Variants in CSMD1 observed in about 807,000 individuals in gnomAD.
The protein encoded by CSMD1 is CUB and sushi domain-containing protein 1.
Under a neutral mutation model 417.5 loss-of-function variants are expected in CSMD1, and 213 were observed. The observed-to-expected ratio is 0.51, with a 90% CI of 0.46 to 0.57. The LOEUF (loss-of-function observed/expected upper bound fraction) is 0.57. Among genes scored for constraint, CSMD1 ranks in the 20% least tolerant of loss-of-function variants. The pLI is 0.00. For missense variants in CSMD1, 6,923 were observed against 4,529.7 expected, an observed-to-expected ratio of 1.53 and a Z score of -15.17; for synonymous variants, 2,862 against 1,736.8, an observed-to-expected ratio of 1.65 and a Z score of -16.11.
intron 59 of CSMD1, among the ~76,000 whole-genome samples, chr8:2,964,570 G>C (rs1028249442): frequency 2.0e-5 from 3 of 152,228 alleles, no homozygotes; most frequent in African/African-American, 7.2e-5. Context: ...GTACTAGAAA[G>C]AGGATAAAAA....
In CSMD1 at chr8:3,214,745, G is replaced by GT. The variant is rs373811551; in HGVS notation, c.4673-55dup. On this transcript the variant is annotated intron_variant, in intron 29 of 69. Transcript: ENST00000635120. Reference sequence around the variant, plus strand: ...GAGAGCAGGGATCTTATTCTTGTTTGTGTTTTTGTTTGTTGGGTTGGTTCT... The same window carrying GT: ...GAGAGCAGGGATCTTATTCTTGTTTGTTGTTTTTGTTTGTTGGGTTGGTTCT... The GT allele has an allele frequency of 1.3e-5, 19 of 1,430,790 alleles. No homozygotes were observed. In the African/African-American group the frequency reaches 2.4e-4, roughly 18 times the overall value. The allele number at this position is 1,430,790 out of a possible 1,614,324, so 88.6% of individuals were successfully genotyped here. A position where few individuals can be genotyped will look rare whatever the true frequency, so the allele number is the denominator to read the frequency against.
At chr8:4,002,418 G>A (rs138615079) in intron 4 of CSMD1, among the ~76,000 whole-genome samples, 1 of 152,238 alleles carries the variant, frequency 6.6e-6, no homozygotes, top group Admixed American at 6.5e-5. Flanking sequence ...TAACTAATAT[G>A]TTTGATGAGC....
At chr8:3,892,645 C>T (rs937790990) in intron 5 of CSMD1, among the ~76,000 whole-genome samples, 11 of 151,378 alleles carry the variant, frequency 7.3e-5, no homozygotes, top group African/African-American at 9.7e-5. Context: ...TTGCTTGGCA[C>T]GTCGTGGGAT....
intron 5 of CSMD1, among the ~76,000 whole-genome samples, chr8:3,884,373 C>T (rs1436218520): frequency 2.0e-5 from 3 of 152,170 alleles, no homozygotes; most frequent in South Asian, 2.1e-4. Flanking sequence ...CTGTTAGTGA[C>T]ATGGTGCTTG....
intron 63 of CSMD1, 80 bp downstream of exon 63, chr8:2,957,616 T>A: frequency 2.1e-6 from 2 of 933,614 alleles, no homozygotes; most frequent in Non-Finnish European, 3.3e-6. Context: ...TTTCTCATTA[T>A]TTCCCTTAGT....
At chr8:4,197,822 T>C (rs1012285855) in intron 3 of CSMD1, among the ~76,000 whole-genome samples, 1 of 152,092 alleles carries the variant, frequency 6.6e-6, no homozygotes, top group Admixed American at 6.6e-5. Flanking sequence ...GAGGTTGCAG[T>C]GAGCCAAGAT....
At chr8:4,599,356 C>G (rs1394073292) in intron 2 of CSMD1, among the ~76,000 whole-genome samples, 1 of 151,912 alleles carries the variant, frequency 6.6e-6, no homozygotes, top group African/African-American at 2.4e-5. Flanking sequence ...CATGGTCACC[C>G]TGGAAGAATT....
chr8:4,251,832 A>G (rs1432041753), intron 3 of CSMD1, among the ~76,000 whole-genome samples: 1 of 141,702 alleles, frequency 7.1e-6, no homozygotes, highest in East Asian at 2.3e-4. Flanking sequence ...GAGAGATGGA[A>G]GAGGAGAGAT....
At chr8:4,504,250 T>G (rs1802407542) in intron 2 of CSMD1, among the ~76,000 whole-genome samples, 1 of 152,288 alleles carries the variant, frequency 6.6e-6, no homozygotes, top group Middle Eastern at 3.4e-3. Flanking sequence ...TACCGTAGGA[T>G]TCCATTTCCA....
intron 6 of CSMD1, among the ~76,000 whole-genome samples, chr8:3,749,325 C>G (rs1284777942): frequency 6.6e-6 from 1 of 152,108 alleles, no homozygotes; most frequent in Non-Finnish European, 1.5e-5. Flanking sequence ...GGTTTTTCCC[C>G]TGCGTTTTCT....
intron 3 of CSMD1, among the ~76,000 whole-genome samples, chr8:4,106,666 G>T (rs551942352): frequency 6.6e-6 from 1 of 152,138 alleles, no homozygotes; most frequent in African/African-American, 2.4e-5. Flanking sequence ...TATAAAAACA[G>T]TAAAACATTT....
chr8:4,130,052 G>T (rs746185279), intron 3 of CSMD1, among the ~76,000 whole-genome samples: 42 of 152,068 alleles, frequency 2.8e-4, no homozygotes, highest in Admixed American at 1.2e-3. Context: ...TATATTAGAA[G>T]AAAATGATCG....
At chr8:4,184,115 A>C (rs1798532984) in intron 3 of CSMD1, among the ~76,000 whole-genome samples, 1 of 152,212 alleles carries the variant, frequency 6.6e-6, no homozygotes, top group African/African-American at 2.4e-5. Flanking sequence ...TGTTAACTAT[A>C]ATTTCTAAAA....
At chr8:4,086,830 G>C (rs182242881) in intron 3 of CSMD1, among the ~76,000 whole-genome samples, 1 of 152,160 alleles carries the variant, frequency 6.6e-6, no homozygotes, top group Admixed American at 6.5e-5. Flanking sequence ...AACTTTGCAT[G>C]CATCCTTGTC....
chr8:4,180,985 T>A (rs1010735985), intron 3 of CSMD1, among the ~76,000 whole-genome samples: 1 of 152,156 alleles, frequency 6.6e-6, no homozygotes, highest in African/African-American at 2.4e-5. Flanking sequence ...GCTTACCATT[T>A]CCGTACCCAC....
chr8:4,681,717 C>T (rs370109628), intron 1 of CSMD1, among the ~76,000 whole-genome samples: 2 of 151,884 alleles, frequency 1.3e-5, no homozygotes, highest in Non-Finnish European at 2.9e-5. Flanking sequence ...GCAGAATTAA[C>T]AAAAAAGAAG....
intron 1 of CSMD1, among the ~76,000 whole-genome samples, chr8:4,810,272 A>C (rs1016074234): frequency 6.6e-6 from 1 of 152,222 alleles, no homozygotes; most frequent in African/African-American, 2.4e-5. Flanking sequence ...TTACCTAATA[A>C]AATTCAAATT....
intron 2 of CSMD1, among the ~76,000 whole-genome samples, chr8:4,448,467 C>A (rs1265429192): frequency 6.6e-6 from 1 of 152,176 alleles, no homozygotes; most frequent in Non-Finnish European, 1.5e-5. Flanking sequence ...CCCTTAAATA[C>A]TTTCCCAGAC....
In CSMD1 at chr8:4,004,838, G is replaced by A. The variant is rs568420651; in HGVS notation, c.611-6728C>T. Among the ~76,000 whole-genome samples the A allele has an allele frequency of 4.2e-3, 645 of 152,124 alleles. 1 individual carries two copies. Among genetic ancestry groups the A allele is most frequent in the Non-Finnish European group, 6.9e-3 (466 of 67,996 alleles). On this transcript the variant is annotated intron_variant, in intron 4 of 69. Coordinates refer to ENST00000635120, the MANE Select transcript of CSMD1 (RefSeq NM_033225.6). ...TGGCTCACTGTAAGCTCCGCCTCCC[G>A]GGTTCACGCCATTCTCCTGCCTCAG...
Sources: allele counts gnomAD v4.1 joint callset (sites outside exome capture counted in the v4.1 genomes callset), GRCh38; gene constraint gnomAD v4.1.1; transcripts MANE v1.5; gene names NCBI Gene and HGNC (gene_info 2026-07-23, HGNC 2026-07-21).